The following MDN1 variants were observed in gnomAD, a reference collection of about 807,000 sequenced individuals.
MDN1 encodes the protein midasin.
In MDN1, 266 loss-of-function variants were observed where a neutral mutation model predicts 669.2. That is an observed-to-expected ratio of 0.40 (90% confidence interval 0.36 to 0.44). The LOEUF (loss-of-function observed/expected upper bound fraction) is 0.44. MDN1 is among the 20% of genes least tolerant of loss of function. MDN1 has a pLI of 1.00. For synonymous variants in MDN1, 2,385 were observed against 2,457.1 expected, an observed-to-expected ratio of 0.97 and a Z score of 0.87; for missense variants, 5,940 against 6,754.0, an observed-to-expected ratio of 0.88 and a Z score of 4.22.
intron 26 of MDN1, 131 bp from the exon 27 acceptor site, chr6:89,747,601 T>TC: frequency 1.8e-6 from 2 of 1,131,190 alleles, no homozygotes; most frequent in Non-Finnish European, 2.4e-6. Context: ...TGAATAAGAT[T>TC]AATTTTTTGG....
intron 11 of MDN1, among the ~76,000 whole-genome samples, chr6:89,779,894 C>A (rs891256056): frequency 5.9e-5 from 9 of 151,864 alleles, no homozygotes; most frequent in Admixed American, 5.9e-4. Context: ...GGTGAAACCT[C>A]GTTTCTACTA....
intron 33 of MDN1, among the ~76,000 whole-genome samples, chr6:89,737,843 C>T (rs996096787): frequency 6.6e-6 from 1 of 151,778 alleles, no homozygotes; most frequent in African/African-American, 2.4e-5. Context: ...CCTGCCTCAG[C>T]CTCCCAAGTA....
chr6:89,704,404 G>T (rs897599266), intron 53 of MDN1, among the ~76,000 whole-genome samples: 1 of 152,204 alleles, frequency 6.6e-6, no homozygotes, highest in Non-Finnish European at 1.5e-5. Context: ...GGAAAACAGA[G>T]TTTGATGACT....
intron 1 of MDN1, among the ~76,000 whole-genome samples, chr6:89,816,371 G>C (rs1210960898): frequency 6.6e-6 from 1 of 151,978 alleles, no homozygotes; most frequent in East Asian, 1.9e-4. Context: ...CTGCAGTCCA[G>C]CCTGGGTGAC....
rs1427485758 is a variant in MDN1, at chr6:89,685,914, A to T, written c.11632T>A (p.Ser3878Thr). The T allele has an allele frequency of 6.2e-7, 1 of 1,614,134 alleles. No individual in the cohort carries two copies. Among genetic ancestry groups the T allele is most frequent in the Non-Finnish European group, 8.5e-7 (1 of 1,180,014 alleles). Residue 3878 changes from serine (S) to threonine (T), a missense_variant, in exon 70 of 102, where the codon TCC becomes ACC. Transcript: ENST00000369393. The part of the protein sequence containing the change: ...VSTLQAFIEG[S>T]SLGEFHVRLQ... ...CGCACATGGAACTCTCCCAGCGAGG[A>T]TCCTTCAATAAATGCTTGTAATGTG...
At chr6:89,781,307 C>T (rs768722907) in intron 10 of MDN1, 92 bp downstream of exon 10, 23 of 1,289,548 alleles carry the variant, frequency 1.8e-5, no homozygotes, top group Non-Finnish European at 2.5e-5. Context: ...GCCAAAACTG[C>T]ACCACTGCAC....
chr6:89,792,631 A>C (rs1001560353), intron 5 of MDN1, among the ~76,000 whole-genome samples: 2 of 151,910 alleles, frequency 1.3e-5, no homozygotes, highest in African/African-American at 4.8e-5. Context: ...CACTGACTAC[A>C]CTTATGACAA....
intron 96 of MDN1, 87 bp from the exon 97 acceptor site, chr6:89,650,285 T>A: frequency 8.2e-7 from 1 of 1,215,638 alleles, no homozygotes; most frequent in Non-Finnish European, 1.1e-6. Flanking sequence ...AATAATACCT[T>A]AAAACCAATA....
intron 40 of MDN1, among the ~76,000 whole-genome samples, chr6:89,719,599 A>T (rs1814672773): frequency 6.6e-6 from 1 of 152,274 alleles, no homozygotes; most frequent in Non-Finnish European, 1.5e-5. Context: ...TACGAAGATT[A>T]TAAAGAAAAA....
At chr6:89,805,069 C>G (rs1293669051) in intron 1 of MDN1, among the ~76,000 whole-genome samples, 1 of 149,492 alleles carries the variant, frequency 6.7e-6, no homozygotes, top group African/African-American at 2.5e-5. Context: ...ATTCTAGTGC[C>G]CGGGTTCAGA....
At position 89,743,734 on chromosome 6, in the gene MDN1, G is replaced by C; in HGVS notation, c.4179-20C>G. The C allele has an allele frequency of 6.2e-7, 1 of 1,609,270 alleles. No individual in the cohort carries two copies. Among genetic ancestry groups the C allele is most frequent in the Non-Finnish European group, 8.5e-7 (1 of 1,178,066 alleles). ...CCACACCTGTTAGAGATGTGCAACT[G>C]ATTAACAAGGCATGTGTTTCAAATA... is the stretch of plus-strand genomic sequence containing the variant. On this transcript the variant is annotated intron_variant, in intron 29 of 101. Transcript: ENST00000369393.
chr6:89,740,635 C>A (rs773042388), intron 31 of MDN1, among the ~76,000 whole-genome samples: 1 of 152,032 alleles, frequency 6.6e-6, no homozygotes, highest in East Asian at 1.9e-4. Context: ...GAATAACTTA[C>A]AAGAAAACAA....
chr6:89,669,984 C>G (rs1030261047), intron 83 of MDN1, among the ~76,000 whole-genome samples: 2 of 151,342 alleles, frequency 1.3e-5, no homozygotes, highest in African/African-American at 4.9e-5. Context: ...GTGGACAGAT[C>G]ACAAGGTCAG....
At chr6:89,801,310 G>A (rs1051361193) in intron 2 of MDN1, among the ~76,000 whole-genome samples, 1 of 152,158 alleles carries the variant, frequency 6.6e-6, no homozygotes, top group Non-Finnish European at 1.5e-5. Context: ...GATCACTTGA[G>A]GCCAGGAGTT....
chr6:89,801,132 A>G (rs1033628752), intron 2 of MDN1, among the ~76,000 whole-genome samples: 5 of 152,182 alleles, frequency 3.3e-5, no homozygotes, highest in African/African-American at 9.7e-5. Flanking sequence ...GTGGTGGCTC[A>G]TGTCTGTAAT....
At chr6:89,670,713 G>A (rs1260261383) in intron 83 of MDN1, among the ~76,000 whole-genome samples, 1 of 152,084 alleles carries the variant, frequency 6.6e-6, no homozygotes, top group Non-Finnish European at 1.5e-5. Flanking sequence ...GGGGATAGGA[G>A]GTATCATCTG....
chr6:89,807,904 G>A (rs1308801308), intron 1 of MDN1, among the ~76,000 whole-genome samples: 1 of 151,502 alleles, frequency 6.6e-6, no homozygotes, highest in African/African-American at 2.4e-5. Context: ...GGTTTCACTT[G>A]TTTTTTTTCA....
Position 89,810,017 on chromosome 6 carries a change from A to T in MDN1, c.103-6463T>A, listed in dbSNP as rs200552228. Among the ~76,000 whole-genome samples the T allele has an allele frequency of 5.9e-4, 72 of 122,696 alleles. 3 individuals are homozygous for T. Among genetic ancestry groups the T allele is most frequent in the Non-Finnish European group, 8.0e-5 (4 of 50,184 alleles). 80.5% of individuals were successfully genotyped at this position (122,696 alleles called of 152,430 possible). Reference sequence around the variant, plus strand: ...CTAAAAAAAAAAAAAAAAAAAAAAAAAAAAAAAAATTAAGTTTGGAAGATT... The same window carrying T: ...CTAAAAAAAAAAAAAAAAAAAAAAATAAAAAAAAATTAAGTTTGGAAGATT... On this transcript the variant is annotated intron_variant, in intron 1 of 101. Coordinates refer to ENST00000369393, the MANE Select transcript of MDN1 (RefSeq NM_014611.3).
chr6:89,664,691 G>A (rs537708857), intron 84 of MDN1, 63 bp from the exon 85 acceptor site: 1 of 1,345,710 alleles, frequency 7.4e-7, no homozygotes, highest in Non-Finnish European at 1.0e-6. Context: ...TCAGCTGTGA[G>A]ATATAAATGC....
Sources: allele counts gnomAD v4.1 joint callset (sites outside exome capture counted in the v4.1 genomes callset), GRCh38; gene constraint gnomAD v4.1.1; transcripts MANE v1.5; gene names NCBI Gene and HGNC (gene_info 2026-07-23, HGNC 2026-07-21).